Variants in AFF1 observed in about 807,000 individuals in gnomAD.
AFF1 encodes ALF transcription elongation factor 1, also known as AF4/FMR2 family member 1.
Under a neutral mutation model 121.7 loss-of-function variants are expected in AFF1, and 48 were observed. The ratio of observed to expected loss-of-function variants is 0.39; its 90% confidence interval spans 0.31 to 0.50. The LOEUF (loss-of-function observed/expected upper bound fraction) is 0.50, where lower values mean the gene tolerates loss of function less well. AFF1 is among the 20% of genes least tolerant of loss of function. The probability of loss-of-function intolerance (pLI) is 0.76; values close to 1 mark genes in which losing one functional copy is unlikely to be tolerated. For synonymous variants in AFF1, 613 were observed against 563.0 expected, an observed-to-expected ratio of 1.09 and a Z score of -1.26; for missense variants, 1,523 against 1,511.7, an observed-to-expected ratio of 1.01 and a Z score of -0.12.
intron 4 of AFF1, among the ~76,000 whole-genome samples, chr4:87,082,936 C>T (rs1270964904): frequency 2.6e-5 from 4 of 152,174 alleles, no homozygotes; most frequent in African/African-American, 7.2e-5. Context: ...CATCTGTTCT[C>T]TAGCTGCGAG....
At chr4:86,967,881 G>A (rs1469182399) in intron 2 of AFF1, among the ~76,000 whole-genome samples, 1 of 152,188 alleles carries the variant, frequency 6.6e-6, no homozygotes, top group East Asian at 1.9e-4. Context: ...ATTGGGGAAG[G>A]TCTGGGCTTA....
In AFF1 at chr4:86,978,789, G is replaced by T. The variant is rs965464955; in HGVS notation, c.38+30218G>T. 7.9e-5 allele frequency among the ~76,000 whole-genome samples: 12 copies of T among 152,204 alleles called. No individual in the cohort carries two copies. The Middle Eastern group carries it at 0.01, about 129-fold the overall frequency. ...TGTTGCGTATTATGTTTTACTGGAG[G>T]TGCCTAGTTACAAGGTTTTATTACA... is the stretch of plus-strand genomic sequence containing the variant. On this transcript the variant is annotated intron_variant, in intron 2 of 20. Coordinates refer to ENST00000395146, the MANE Select transcript of AFF1 (RefSeq NM_001166693.3).
intron 12 of AFF1, among the ~76,000 whole-genome samples, chr4:87,118,707 A>G (rs1727366863): frequency 6.6e-6 from 1 of 152,098 alleles, no homozygotes; most frequent in Non-Finnish European, 1.5e-5. Flanking sequence ...GCTGGTCTTG[A>G]GCTCTGGGCC....
chr4:86,990,567 G>A (rs915905577), intron 2 of AFF1, among the ~76,000 whole-genome samples: 3 of 152,158 alleles, frequency 2.0e-5, no homozygotes, highest in Non-Finnish European at 4.4e-5. Flanking sequence ...CCATTCATGA[G>A]CAACACTGCT....
At chr4:86,935,493 T>G (rs1240858777) in intron 1 of AFF1, 1 of 152,520 alleles carries the variant, frequency 6.6e-6, no homozygotes, top group Admixed American at 6.5e-5. Flanking sequence ...GACGGGGACA[T>G]GGGAAGAGAC....
intron 20 of AFF1, 22 bp from the exon 21 acceptor site, chr4:87,135,558 T>C: frequency 6.8e-7 from 1 of 1,475,140 alleles, no homozygotes; most frequent in Middle Eastern, 1.8e-4. Flanking sequence ...CTTGTTTTTG[T>C]TTTGTTTTGT....
chr4:86,999,271 T>C (rs1292951254), intron 2 of AFF1, among the ~76,000 whole-genome samples: 2 of 152,214 alleles, frequency 1.3e-5, no homozygotes, highest in African/African-American at 2.4e-5. Flanking sequence ...GAAGCTCTCT[T>C]TGAATTCTGC....
At position 87,046,692 on chromosome 4, in the gene AFF1, C is replaced by T; in HGVS notation, c.160-3C>T. On this transcript the variant is annotated splice_polypyrimidine_tract_variant and splice_region_variant and intron_variant, in intron 3 of 20. Coordinates refer to ENST00000395146, the MANE Select transcript of AFF1 (RefSeq NM_001166693.3). Reference sequence around the variant, plus strand: ...TCATTCTCAAATTCTCCTTTTTTTTCAGACAGCAAAAGGTGATGAGCTGTC... The same window carrying T: ...TCATTCTCAAATTCTCCTTTTTTTTTAGACAGCAAAAGGTGATGAGCTGTC... 6.4e-7 allele frequency: 1 copy of T among 1,567,878 alleles called. No homozygotes were observed. Among genetic ancestry groups the T allele is most frequent in the Admixed American group, 2.0e-5 (1 of 50,080 alleles).
chr4:87,038,100 G>A (rs1485103810), intron 2 of AFF1, among the ~76,000 whole-genome samples: 6 of 152,128 alleles, frequency 3.9e-5, no homozygotes, highest in Admixed American at 1.3e-4. Flanking sequence ...AACTGACATC[G>A]TGCTGTTTTG....
rs1293570561 is a variant in AFF1 at position 87,047,507 on chromosome 4, T to C, written c.972T>C (p.Tyr324=). The part of the protein sequence containing the change: ...SPELKPLPED[Y]RQQTFEKTDL... ...AACTGAAACCACTGCCGGAGGACTA[T>C]CGACAGCAGACCTTTGAAAAAACAG... The change falls in exon 4 of 21, where the codon TAT becomes TAC. Residue 324 remains tyrosine, a synonymous_variant. Transcript: ENST00000395146. The C allele has an allele frequency of 6.2e-7, 1 of 1,614,196 alleles. No individual in the cohort carries two copies. Among genetic ancestry groups the C allele is most frequent in the Admixed American group, 1.7e-5 (1 of 60,028 alleles).
Position 87,085,888 on chromosome 4 carries a change from G to T in AFF1, c.1104+1724G>T, listed in dbSNP as rs538083885. Among the ~76,000 whole-genome samples the T allele has an allele frequency of 3.9e-5, 6 of 152,072 alleles. No homozygotes were observed. The East Asian group carries it at 9.7e-4, about 25-fold the overall frequency. On this transcript the variant is annotated intron_variant, in intron 5 of 20. Coordinates refer to ENST00000395146, the MANE Select transcript of AFF1 (RefSeq NM_001166693.3). ...CAAGTAGCCGGGATTACAGGTGTGC[G>T]CCAGTACGCCCTGCTAATTTTTGTA...
At chr4:87,033,944 T>C (rs1339722089) in intron 2 of AFF1, among the ~76,000 whole-genome samples, 1 of 152,054 alleles carries the variant, frequency 6.6e-6, no homozygotes, top group East Asian at 1.9e-4. Context: ...GCTGGGTAAA[T>C]AGGATCAAGC....
intron 2 of AFF1, among the ~76,000 whole-genome samples, chr4:87,038,269 T>C (rs2149596008): frequency 1.3e-5 from 2 of 152,314 alleles, no homozygotes; most frequent in Middle Eastern, 6.8e-3. Flanking sequence ...TGATTTTTAT[T>C]ATGAGAAAGT....
At chr4:87,125,977 A>C (rs1406174146) in intron 13 of AFF1, 122 bp from the exon 14 acceptor site, 2 of 1,003,018 alleles carry the variant, frequency 2.0e-6, no homozygotes, top group Admixed American at 2.1e-5. Flanking sequence ...TGGCCTGTTT[A>C]CACAGTTTCA....
At position 87,134,198 on chromosome 4, in the gene AFF1, A is replaced by G. The variant is rs531881517; in HGVS notation, c.3312-273A>G. On this transcript the variant is annotated intron_variant, in intron 19 of 20. Coordinates refer to ENST00000395146, the MANE Select transcript of AFF1 (RefSeq NM_001166693.3). ...GGTGCACACACATACCTACATATGC[A>G]TACATTACATACATAGAGTATTGTC... Among the ~76,000 whole-genome samples, 220 of 152,364 alleles carry G rather than the reference A, an allele frequency of 1.4e-3. 1 individual carries two copies. The highest frequency in any genetic ancestry group is 2.2e-3 in the Non-Finnish European group (152 of 68,036).
At chr4:87,016,553 AAAAAAAAAAAAAAG>A (rs985929292) in intron 2 of AFF1, among the ~76,000 whole-genome samples, 4 of 133,020 alleles carry the variant, frequency 3.0e-5, no homozygotes, top group Non-Finnish European at 4.8e-5. Context: ...CTCTGTCTCA[AAAAAAAAAAAAAAG>A]TGATTTTATT....
intron 2 of AFF1, among the ~76,000 whole-genome samples, chr4:87,010,827 C>T (rs1726661585): frequency 6.6e-6 from 1 of 152,176 alleles, no homozygotes; most frequent in Non-Finnish European, 1.5e-5. Flanking sequence ...GTGGCTCACG[C>T]CTGTAATCCC....
chr4:86,980,947 ACCCCCCCCCT>A (rs1420796455), intron 2 of AFF1, among the ~76,000 whole-genome samples: 7 of 102,400 alleles, frequency 6.8e-5, no homozygotes, highest in South Asian at 3.1e-4. Context: ...GGCTTGAGGC[ACCCCCCCCCT>A]CCACCAAAAA....
At chr4:87,081,064 T>C (rs1723114106) in intron 4 of AFF1, among the ~76,000 whole-genome samples, 1 of 151,456 alleles carries the variant, frequency 6.6e-6, no homozygotes, top group Admixed American at 6.6e-5. Flanking sequence ...ATAAAGCAAA[T>C]GTAAAATGCT....
Sources: gnomAD v4.1 joint callset for allele counts (sites outside exome capture counted in the v4.1 genomes callset) on GRCh38, gnomAD v4.1.1 for gene constraint, MANE v1.5 for transcripts, NCBI Gene and HGNC (gene_info 2026-07-23, HGNC 2026-07-21) for gene names.